The following HBP1 variants were observed in gnomAD, a reference collection of about 807,000 sequenced individuals.
HBP1 encodes the protein HMG-box transcription factor 1, also known as HMG box-containing protein 1.
In HBP1, 20 loss-of-function variants were observed where a neutral mutation model predicts 62.6. That is an observed-to-expected ratio of 0.32 (90% CI 0.22 to 0.46). The LOEUF (loss-of-function observed/expected upper bound fraction) is 0.46. HBP1 is among the 20% of genes least tolerant of loss of function. The pLI is 1.00. For missense variants in HBP1, 480 were observed against 611.8 expected, an observed-to-expected ratio of 0.78 and a Z score of 2.27; for synonymous variants, 232 against 206.2, an observed-to-expected ratio of 1.12 and a Z score of -1.07.
intron 9 of HBP1, among the ~76,000 whole-genome samples, chr7:107,198,220 TTTTTA>T: frequency 6.6e-6 from 1 of 152,290 alleles, no homozygotes; most frequent in African/African-American, 2.4e-5. Context: ...ATCTTTTTTT[TTTTTA>T]TGAGATGGAA....
At chr7:107,172,186 T>C (rs1796632887) in intron 1 of HBP1, among the ~76,000 whole-genome samples, 1 of 152,106 alleles carries the variant, frequency 6.6e-6, no homozygotes. Flanking sequence ...TTATTGATCA[T>C]AGCTTTAAAA....
intron 3 of HBP1, among the ~76,000 whole-genome samples, chr7:107,184,303 A>G (rs1365200994): frequency 6.6e-6 from 1 of 152,204 alleles, no homozygotes; most frequent in African/African-American, 2.4e-5. Flanking sequence ...TTTGAAATCA[A>G]AAATTGGAGA....
chr7:107,193,058 A>G (rs942805494), intron 8 of HBP1: 1 of 152,184 alleles, frequency 6.6e-6, no homozygotes, highest in African/African-American at 2.4e-5. Flanking sequence ...AGAAGTCAGC[A>G]ATCAGTTGAT....
intron 10 of HBP1, chr7:107,200,709 G>T (rs1798208390): frequency 6.5e-6 from 1 of 154,878 alleles, no homozygotes; most frequent in African/African-American, 2.4e-5. Flanking sequence ...AAGGCTGGAG[G>T]TGTTGGGGTA....
intron 10 of HBP1, chr7:107,201,115 G>C: frequency 3.6e-6 from 1 of 276,384 alleles, no homozygotes; most frequent in Non-Finnish European, 6.7e-6. Flanking sequence ...TGGTCAGTCA[G>C]TAGTCAGATG....
At chr7:107,195,003 A>AGAAGG (rs781665836) in intron 8 of HBP1, among the ~76,000 whole-genome samples, 4 of 152,210 alleles carry the variant, frequency 2.6e-5, no homozygotes, top group Non-Finnish European at 4.4e-5. Context: ...TTACCTAAAC[A>AGAAGG]AATGACCCAG....
intron 6 of HBP1, among the ~76,000 whole-genome samples, chr7:107,187,364 TAA>T (rs1354370514): frequency 2.6e-5 from 4 of 152,208 alleles, no homozygotes; most frequent in East Asian, 1.9e-4. Context: ...CCAATTATAT[TAA>T]GTTACTTTAT....
intron 1 of HBP1, among the ~76,000 whole-genome samples, chr7:107,171,989 C>T (rs1796623002): frequency 6.6e-6 from 1 of 151,712 alleles, no homozygotes; most frequent in African/African-American, 2.4e-5. Context: ...CAGATACCTG[C>T]ATATCACAAA....
chr7:107,182,368 T>C lies in HBP1; in HGVS notation c.170-5T>C. 6.5e-7 allele frequency: 1 copy of C among 1,542,608 alleles called. No individual in the cohort carries two copies. Among genetic ancestry groups the C allele is most frequent in the Non-Finnish European group, 9.0e-7 (1 of 1,115,146 alleles). On this transcript the variant is annotated splice_region_variant and splice_polypyrimidine_tract_variant and intron_variant, in intron 2 of 10. Coordinates refer to ENST00000222574, the MANE Select transcript of HBP1 (RefSeq NM_012257.4). ...TTTTATGATTTTGAGTGTGCTTATT[T>C]GCAGATGACCTTCCTGAACTTCAGG...
At chr7:107,182,154 T>C (rs1797137446) in intron 2 of HBP1, among the ~76,000 whole-genome samples, 1 of 152,154 alleles carries the variant, frequency 6.6e-6, no homozygotes, top group Non-Finnish European at 1.5e-5. Flanking sequence ...GGCATATGGA[T>C]CACTCCTAGG....
intron 1 of HBP1, among the ~76,000 whole-genome samples, chr7:107,177,994 A>G (rs1796940934): frequency 6.6e-6 from 1 of 152,242 alleles, no homozygotes; most frequent in African/African-American, 2.4e-5. Context: ...AATTAACATC[A>G]TGACTTAGAA....
chr7:107,174,590 G>T, intron 1 of HBP1: 2 of 985,606 alleles, frequency 2.0e-6, no homozygotes, highest in Non-Finnish European at 2.4e-6. Context: ...TAGCTGGAAA[G>T]AATGAGGAAA....
At chr7:107,186,798 T>C (rs1797398409) in intron 6 of HBP1, 117 bp downstream of exon 6, 9 of 654,364 alleles carry the variant, frequency 1.4e-5, no homozygotes, top group Admixed American at 2.8e-5. Context: ...TCGTACATTT[T>C]AGGTAGAGCA....
chr7:107,182,784 G>A (rs1285391960), intron 3 of HBP1, among the ~76,000 whole-genome samples, 183 bp downstream of exon 3: 1 of 152,010 alleles, frequency 6.6e-6, no homozygotes, highest in Non-Finnish European at 1.5e-5. Flanking sequence ...CATATTTTGA[G>A]AATTAGATAA....
chr7:107,186,009 T>C, intron 4 of HBP1, 67 bp downstream of exon 4: 1 of 1,164,636 alleles, frequency 8.6e-7, no homozygotes, highest in Non-Finnish European at 1.3e-6. Context: ...TTAACATTCC[T>C]CATAGGAAGT....
At chr7:107,197,839 CT>C (rs1161978770) in intron 9 of HBP1, among the ~76,000 whole-genome samples, 1 of 152,198 alleles carries the variant, frequency 6.6e-6, no homozygotes, top group East Asian at 1.9e-4. Context: ...CTGTGACTGA[CT>C]TTTAGGCTTT....
At chr7:107,189,127 TTATA>T (rs1319386872) in intron 6 of HBP1, among the ~76,000 whole-genome samples, 161 bp from the exon 7 acceptor site, 2 of 152,206 alleles carry the variant, frequency 1.3e-5, no homozygotes, top group Non-Finnish European at 2.9e-5. Flanking sequence ...GTCTAGTTAT[TTATA>T]TATGTGTCTT....
chr7:107,179,771 C>G (rs1474072859), intron 1 of HBP1, 108 bp from the exon 2 acceptor site: 4 of 595,176 alleles, frequency 6.7e-6, no homozygotes, highest in Non-Finnish European at 1.1e-5. Flanking sequence ...GACTATGTCT[C>G]AAAAAAAAAA....
intron 7 of HBP1, chr7:107,189,927 T>C: frequency 3.0e-6 from 1 of 338,068 alleles, no homozygotes; most frequent in Non-Finnish European, 5.3e-6. Context: ...ATGGAAGTGC[T>C]GATTGATAGA....
Sources: gnomAD v4.1 joint callset for allele counts (sites outside exome capture counted in the v4.1 genomes callset) on GRCh38, gnomAD v4.1.1 for gene constraint, MANE v1.5 for transcripts, NCBI Gene and HGNC (gene_info 2026-07-23, HGNC 2026-07-21) for gene names.